CYBRD1: variants seen among roughly 807,000 people sequenced by gnomAD.
CYBRD1 encodes cytochrome b reductase 1.
A neutral mutation model predicts 21.9 loss-of-function variants in CYBRD1; 14 were observed. The ratio of observed to expected loss-of-function variants is 0.64; its 90% confidence interval spans 0.42 to 1.00. The LOEUF is 1.00. Ranked by LOEUF, CYBRD1 falls within the 50% of genes least tolerant of loss-of-function variation. The pLI, the probability that CYBRD1 is intolerant of heterozygous loss-of-function variation, is 0.00. For missense variants in CYBRD1, 328 were observed against 352.5 expected (o/e 0.93, Z 0.56); for synonymous variants, 146 against 136.5 (o/e 1.07, Z -0.48).
chr2:171,531,309 C>T (rs1043359150), intron 1 of CYBRD1, among the ~76,000 whole-genome samples: 2 of 152,078 alleles, frequency 1.3e-5, no homozygotes, highest in African/African-American at 2.4e-5. Context: ...TCAATTTCTT[C>T]ATATTATCCT....
chr2:171,534,198 T>G (rs534293739), intron 1 of CYBRD1, among the ~76,000 whole-genome samples: 1 of 152,366 alleles, frequency 6.6e-6, no homozygotes, highest in East Asian at 1.9e-4. Context: ...CTATAATGTT[T>G]GTATTTCCCC....
intron 2 of CYBRD1, among the ~76,000 whole-genome samples, chr2:171,549,170 G>A (rs1052629494): frequency 5.3e-5 from 8 of 152,140 alleles, no homozygotes; most frequent in Middle Eastern, 3.2e-3. Flanking sequence ...TGCAACCTCT[G>A]CCTCCTGGGT....
intron 2 of CYBRD1, among the ~76,000 whole-genome samples, chr2:171,546,479 G>T (rs898025704): frequency 6.6e-6 from 1 of 152,070 alleles, no homozygotes; most frequent in Non-Finnish European, 1.5e-5. Flanking sequence ...TACCTTCATG[G>T]TTAAGAACAT....
chr2:171,547,416 A>G (rs1343504488), intron 2 of CYBRD1, among the ~76,000 whole-genome samples: 2 of 147,960 alleles, frequency 1.4e-5, no homozygotes, highest in African/African-American at 5.0e-5. Context: ...GCAAGAGTCC[A>G]AGGAGGCATT....
At chr2:171,528,558 T>C (rs1697417797) in intron 1 of CYBRD1, among the ~76,000 whole-genome samples, 1 of 152,010 alleles carries the variant, frequency 6.6e-6, no homozygotes, top group African/African-American at 2.4e-5. Flanking sequence ...AGCCTCAGTC[T>C]TCTGACCACT....
chr2:171,539,734 T>C (rs1046152053), intron 1 of CYBRD1: 2 of 151,676 alleles, frequency 1.3e-5, no homozygotes, highest in African/African-American at 4.8e-5. Flanking sequence ...GTTTTCTTTT[T>C]TTTTTTTTCC....
chr2:171,553,152 T>C (rs1459028810), intron 2 of CYBRD1, among the ~76,000 whole-genome samples, 194 bp from the exon 3 acceptor site: 1 of 152,216 alleles, frequency 6.6e-6, no homozygotes, highest in African/African-American at 2.4e-5. Context: ...ATAATAAATT[T>C]TCTGGAATGA....
intron 2 of CYBRD1, among the ~76,000 whole-genome samples, chr2:171,547,744 T>C (rs1697738358): frequency 6.6e-6 from 1 of 152,092 alleles, no homozygotes; most frequent in Non-Finnish European, 1.5e-5. Context: ...GATAGTAAAA[T>C]CATCCCCCAA....
chr2:171,542,683 A>G (rs189836445), intron 2 of CYBRD1, among the ~76,000 whole-genome samples: 21 of 152,330 alleles, frequency 1.4e-4, no homozygotes, highest in Non-Finnish European at 2.4e-4. Context: ...GTTTGAGATC[A>G]GCTTGGGCAA....
chr2:171,523,838 T>G (rs72884332), intron 1 of CYBRD1, among the ~76,000 whole-genome samples: 18,923 of 152,238 alleles, frequency 0.12, 1,420 homozygotes, highest in Non-Finnish European at 0.18. Context: ...GGCACGGCCT[T>G]CAGAAAGTAG....
At chr2:171,531,154 C>CAAAAAA (rs5836342) in intron 1 of CYBRD1, among the ~76,000 whole-genome samples, 12 of 114,688 alleles carry the variant, frequency 1.0e-4, no homozygotes, top group African/African-American at 4.1e-4. Flanking sequence ...GACCCTGTCT[C>CAAAAAA]AAAAAAAAAA....
upstream of CYBRD1, chr2:171,522,458 C>T (rs770439968): frequency 5.9e-4 from 903 of 1,538,428 alleles, no homozygotes; most frequent in Non-Finnish European, 7.4e-4. This position sits in a 1 kb window ranked among gnomAD's most constrained non-coding sequence, Gnocchi z 4.3. Context: ...AGTCGACGCC[C>T]CGGTCCCGCC....
At chr2:171,524,330 T>C (rs1697354470) in intron 1 of CYBRD1, among the ~76,000 whole-genome samples, 1 of 152,224 alleles carries the variant, frequency 6.6e-6, no homozygotes, top group South Asian at 2.1e-4. Context: ...AGAAGCACTC[T>C]TTCCTTCGTG....
intron 2 of CYBRD1, among the ~76,000 whole-genome samples, chr2:171,544,423 A>G (rs545362485): frequency 6.6e-6 from 1 of 152,268 alleles, no homozygotes; most frequent in African/African-American, 2.4e-5. Flanking sequence ...TGACTTGTTT[A>G]TGAAATTCTT....
chr2:171,547,469 A>G (rs1170788887), intron 2 of CYBRD1, among the ~76,000 whole-genome samples: 8 of 125,718 alleles, frequency 6.4e-5, no homozygotes, highest in Non-Finnish European at 1.0e-4. Context: ...TCTGCTTTTT[A>G]TTGTGAGAAG....
chr2:171,525,916 C>T (rs1282634943), intron 1 of CYBRD1, among the ~76,000 whole-genome samples: 1 of 130,288 alleles, frequency 7.7e-6, no homozygotes, highest in Non-Finnish European at 1.6e-5. Context: ...CATTGCACTT[C>T]AGCCTGGGCA....
chr2:171,554,654 C>A lies in CYBRD1; in HGVS notation c.688C>A (p.Pro230Thr), dbSNP rs1484886666. The A allele has an allele frequency of 1.9e-6, 3 of 1,613,902 alleles. No homozygotes were observed. The highest frequency in any genetic ancestry group is 2.5e-6 in the Non-Finnish European group (3 of 1,179,996). ...TRPQWKRPKE[P>T]NSTILHPNGG... Reference sequence around the variant, plus strand: ...ACCGCAATGGAAACGTCCTAAGGAGCCAAATTCTACCATTCTTCATCCAAA... The same window carrying A: ...ACCGCAATGGAAACGTCCTAAGGAGACAAATTCTACCATTCTTCATCCAAA... The change falls in exon 4 of 4, where the codon CCA (proline) becomes ACA (threonine). Residue 230 changes from proline (P) to threonine (T), a missense_variant. Physicochemically the swap from Pro to Thr is conservative, Grantham distance 38 (BLOSUM62 -1). Coordinates refer to ENST00000321348, the MANE Select transcript of CYBRD1 (RefSeq NM_024843.4).
chr2:171,549,311 T>C (rs1317064629), intron 2 of CYBRD1, among the ~76,000 whole-genome samples: 1 of 152,182 alleles, frequency 6.6e-6, no homozygotes, highest in East Asian at 1.9e-4. Context: ...CTCAAATTCC[T>C]GGCCTCAAGT....
At chr2:171,522,330 T>C, upstream of CYBRD1, 1 of 1,524,352 alleles carries the variant, frequency 6.6e-7, no homozygotes, top group South Asian at 1.3e-5. The surrounding 1 kb of genome is among the most constrained non-coding windows in gnomAD (Gnocchi z 4.3). Context: ...GGCGGCCGCG[T>C]GATCCCGGGG....
Sources: allele counts gnomAD v4.1 joint callset (sites outside exome capture counted in the v4.1 genomes callset), GRCh38; gene constraint gnomAD v4.1.1; non-coding constraint Gnocchi (gnomAD v3.1); transcripts MANE v1.5; gene names NCBI Gene and HGNC (gene_info 2026-07-23, HGNC 2026-07-21).